Variants in MTMR6 observed in about 807,000 individuals in gnomAD.
The protein encoded by MTMR6 is myotubularin related protein 6.
In MTMR6, 47 loss-of-function variants were observed where a neutral mutation model predicts 80.1. The ratio of observed to expected loss-of-function variants is 0.59; its 90% CI spans 0.46 to 0.75. The LOEUF (loss-of-function observed/expected upper bound fraction) is 0.75, where lower values mean the gene tolerates loss of function less well. Among genes scored for constraint, MTMR6 ranks in the 30% least tolerant of loss-of-function variants. MTMR6 has a pLI of 0.00. For missense variants in MTMR6, 629 were observed against 730.9 expected (o/e 0.86, Z 1.61); for synonymous variants, 254 against 253.0 (o/e 1.00, Z -0.04).
At chr13:25,254,063 T>C in intron 10 of MTMR6, 99 bp from the exon 11 acceptor site, 3 of 1,230,464 alleles carry the variant, frequency 2.4e-6, no homozygotes, top group Non-Finnish European at 2.3e-6. Context: ...CCTAAAGCAC[T>C]GTTACATTAG....
rs970162409 is a variant in MTMR6 at position 25,287,356 on chromosome 13, C to T, written c.-109G>A. The T allele has an allele frequency of 3.5e-6, 5 of 1,422,012 alleles. No homozygotes were observed. The highest frequency in any genetic ancestry group is 4.8e-6 in the Non-Finnish European group (5 of 1,043,212). The allele number at this position is 1,422,012 out of a possible 1,614,324, so 88.1% of individuals were successfully genotyped here. On this transcript the variant is annotated 5_prime_UTR_variant, in exon 1 of 14. Coordinates refer to ENST00000381801, the MANE Select transcript of MTMR6 (RefSeq NM_004685.5). Reference sequence around the variant, plus strand: ...AGCGGGAACTCCCTCCACCAGCCAGCGCCGCGGGTCTGTCTGCCGGCCCCG... The same window carrying T: ...AGCGGGAACTCCCTCCACCAGCCAGTGCCGCGGGTCTGTCTGCCGGCCCCG...
intron 9 of MTMR6, 77 bp from the exon 10 acceptor site, chr13:25,254,511 T>G: frequency 1.0e-6 from 1 of 977,612 alleles, no homozygotes; most frequent in South Asian, 1.4e-5. Context: ...TCTTATTAGT[T>G]TAAAAACAGT....
rs1956980652 is a variant in MTMR6 at position 25,246,424 on chromosome 13, A to C, written c.*2808T>G. 6.6e-6 allele frequency: 1 copy of C among 152,480 alleles called. No homozygotes were observed. The highest frequency in any genetic ancestry group is 1.5e-5 in the Non-Finnish European group (1 of 68,000). 9.4% of individuals were successfully genotyped at this position (152,480 alleles called of 1,614,324 possible). ...AACAGTCTCCAAATTTTCTTTAATTAATCAAAGTATGTTAATGTCACTTGG... is the reference window on the plus strand; with the variant it reads ...AACAGTCTCCAAATTTTCTTTAATTCATCAAAGTATGTTAATGTCACTTGG... On this transcript the variant is annotated 3_prime_UTR_variant, in exon 14 of 14. Transcript: ENST00000381801.
At chr13:25,254,334 A>C (rs749570769) in intron 10 of MTMR6, 51 bp downstream of exon 10, 9 of 1,334,936 alleles carry the variant, frequency 6.7e-6, no homozygotes, top group Non-Finnish European at 9.7e-6. Flanking sequence ...TGGCATTCTA[A>C]ACTTGGTTTA....
chr13:25,261,610 TAAGTA>T, intron 6 of MTMR6, 53 bp downstream of exon 6: 2 of 1,381,362 alleles, frequency 1.4e-6, no homozygotes, highest in Non-Finnish European at 1.9e-6. Flanking sequence ...TAACTCTCAT[TAAGTA>T]AAGTAATAAA....
At chr13:25,270,990 T>C (rs1957562120) in intron 2 of MTMR6, among the ~76,000 whole-genome samples, 1 of 152,138 alleles carries the variant, frequency 6.6e-6, no homozygotes, top group East Asian at 1.9e-4. Flanking sequence ...TTTTCTTTCA[T>C]CTAAGACTCA....
At position 25,249,046 on chromosome 13, in the gene MTMR6, G is replaced by T; in HGVS notation, c.*186C>A. 1 of 616,178 alleles carries T rather than the reference G, an allele frequency of 1.6e-6. No homozygotes were observed. Among genetic ancestry groups the T allele is most frequent in the Non-Finnish European group, 2.7e-6 (1 of 366,592 alleles). The allele number at this position is 616,178 out of a possible 1,614,324, so 38.2% of individuals were successfully genotyped here. On this transcript the variant is annotated 3_prime_UTR_variant, in exon 14 of 14. Transcript: ENST00000381801. ...CTTACAGAACTGAATGTCATTCCTT[G>T]CTGGAAATGCAATTAAAATGACTTA... is the stretch of plus-strand genomic sequence containing the variant.
intron 1 of MTMR6, among the ~76,000 whole-genome samples, chr13:25,275,494 G>A (rs1056115593): frequency 4.6e-5 from 7 of 151,898 alleles, no homozygotes; most frequent in African/African-American, 1.7e-4. Flanking sequence ...TTTTTAAATC[G>A]TTTATATCTT....
intron 6 of MTMR6, among the ~76,000 whole-genome samples, chr13:25,259,493 A>G (rs986220813): frequency 3.9e-5 from 6 of 152,214 alleles, no homozygotes; most frequent in Non-Finnish European, 7.4e-5. Flanking sequence ...ATTGGACCTC[A>G]GTTTGGTAAC....
chr13:25,268,023 C>A, intron 2 of MTMR6, 82 bp from the exon 3 acceptor site: 1 of 1,373,406 alleles, frequency 7.3e-7, no homozygotes, highest in South Asian at 1.6e-5. Flanking sequence ...TTAAGAATGT[C>A]TTCCTCAAAA....
intron 5 of MTMR6, among the ~76,000 whole-genome samples, chr13:25,263,201 TAA>T (rs1259667318): frequency 1.3e-4 from 20 of 152,234 alleles, no homozygotes; most frequent in Admixed American, 1.3e-3. Context: ...CTAACTCCCT[TAA>T]GTCAGTAAGA....
At chr13:25,274,228 T>C (rs1168571945) in intron 1 of MTMR6, 41 bp from the exon 2 acceptor site, 1 of 1,368,154 alleles carries the variant, frequency 7.3e-7, no homozygotes, top group Non-Finnish European at 1.0e-6. Flanking sequence ...TCAAAAGTAG[T>C]ATAAATTATT....
At chr13:25,272,025 A>G (rs1441143043) in intron 2 of MTMR6, among the ~76,000 whole-genome samples, 2 of 152,208 alleles carry the variant, frequency 1.3e-5, no homozygotes, top group Admixed American at 6.5e-5. Flanking sequence ...GCAGAGCCTC[A>G]CATACATGGA....
At position 25,287,235 on chromosome 13, in the gene MTMR6, G is replaced by T; in HGVS notation, c.13C>A (p.Arg5=). The T allele has an allele frequency of 6.3e-7, 1 of 1,598,050 alleles. No homozygotes were observed. Among genetic ancestry groups the T allele is most frequent in the East Asian group, 2.3e-5 (1 of 43,714 alleles). The change falls in exon 1 of 14, where the codon CGG becomes AGG. Residue 5 remains arginine (R), a synonymous_variant. Transcript: ENST00000381801. MEHI[R]TTKVEQVKLL... ...CCGCGCCCGACTACCTTGGTCGTCCGGATATGCTCCATCGCAAGGAGACGT... is the reference window on the plus strand; with the variant it reads ...CCGCGCCCGACTACCTTGGTCGTCCTGATATGCTCCATCGCAAGGAGACGT...
At chr13:25,274,951 C>CACACACACACAA (rs1957677921) in intron 1 of MTMR6, among the ~76,000 whole-genome samples, 1 of 129,440 alleles carries the variant, frequency 7.7e-6, no homozygotes. Flanking sequence ...CACACACACA[C>CACACACACACAA]ACACACACAT....
intron 1 of MTMR6, among the ~76,000 whole-genome samples, chr13:25,281,499 C>G (rs754353610): frequency 5.4e-5 from 8 of 148,594 alleles, no homozygotes; most frequent in Admixed American, 1.4e-4. Context: ...GAATCACATT[C>G]AGAAAATTCA....
intron 5 of MTMR6, among the ~76,000 whole-genome samples, chr13:25,265,423 C>T (rs1382461253): frequency 6.6e-6 from 1 of 152,144 alleles, no homozygotes. Context: ...AGTGCTTCTC[C>T]ATTAGCAATC....
At chr13:25,262,421 G>T (rs959913260) in intron 5 of MTMR6, among the ~76,000 whole-genome samples, 1 of 152,204 alleles carries the variant, frequency 6.6e-6, no homozygotes, top group Non-Finnish European at 1.5e-5. Context: ...AGTTTGGAAT[G>T]CAGTGGCGTG....
chr13:25,246,272 T>G lies in MTMR6; in HGVS notation c.*2960A>C. On this transcript the variant is annotated 3_prime_UTR_variant, in exon 14 of 14. Transcript: ENST00000381801. The stretch of plus-strand genomic sequence containing the variant: ...AAAATGTCAAGGTTTCATGTTTACA[T>G]TTTCTTATATCAAGTACAATGGTAT... 1 of 152,642 alleles carries G rather than the reference T, an allele frequency of 6.6e-6. No homozygotes were observed. Among genetic ancestry groups the G allele is most frequent in the Non-Finnish European group, 1.5e-5 (1 of 68,040 alleles). The allele number at this position is 152,642 out of a possible 1,614,324, so 9.5% of individuals were successfully genotyped here.
Sources: allele counts gnomAD v4.1 joint callset (sites outside exome capture counted in the v4.1 genomes callset), GRCh38; gene constraint gnomAD v4.1.1; transcripts MANE v1.5; gene names NCBI Gene and HGNC (gene_info 2026-07-23, HGNC 2026-07-21).